The following RMDN2 variants were observed in gnomAD, a reference collection of about 807,000 sequenced individuals.
The protein encoded by RMDN2 is regulator of microtubule dynamics 2.
RMDN2 carries 61 observed loss-of-function variants against 52.8 expected under a neutral mutation model. That is an observed-to-expected ratio of 1.16 (90% CI 0.94 to 1.43). The LOEUF (loss-of-function observed/expected upper bound fraction) is 1.43, where lower values mean the gene tolerates loss of function less well. Ranked by LOEUF, RMDN2 falls within the 40% of genes most tolerant of loss-of-function variation. RMDN2 has a pLI of 0.00. For missense variants in RMDN2, 592 were observed against 475.3 expected (o/e 1.25, Z -2.28); for synonymous variants, 180 against 153.1 (o/e 1.18, Z -1.30).
At chr2:38,056,400 T>C (rs1681857012) in intron 10 of RMDN2, among the ~76,000 whole-genome samples, 3 of 152,190 alleles carry the variant, frequency 2.0e-5, no homozygotes, top group African/African-American at 7.2e-5. Flanking sequence ...TCACACTGTG[T>C]TGGGGCATGC....
intron 2 of RMDN2, among the ~76,000 whole-genome samples, chr2:37,947,349 C>T (rs999487390): frequency 6.6e-6 from 1 of 152,048 alleles, no homozygotes; most frequent in Non-Finnish European, 1.5e-5. Flanking sequence ...AAACTTCTTT[C>T]TCTCAAAATA....
chr2:38,024,604 T>A (rs1345208977), intron 10 of RMDN2, among the ~76,000 whole-genome samples: 1 of 152,182 alleles, frequency 6.6e-6, no homozygotes, highest in Non-Finnish European at 1.5e-5. Context: ...ATTCAAATAT[T>A]TTGCCCATTA....
chr2:38,048,887 A>T (rs551024560), intron 10 of RMDN2, among the ~76,000 whole-genome samples: 1 of 152,348 alleles, frequency 6.6e-6, no homozygotes, highest in African/African-American at 2.4e-5. Flanking sequence ...TGCACAAAAG[A>T]TTTTAAATAT....
At position 37,975,753 on chromosome 2, in the gene RMDN2, A is replaced by T. The variant is rs192930759; in HGVS notation, c.730+439A>T. ...AGTGAATGTTAACTAAAGCTAAATT[A>T]TCTTAGCTAAAACCAGTATGTTTAA... is the stretch of plus-strand genomic sequence containing the variant. On this transcript the variant is annotated intron_variant, in intron 4 of 10. Coordinates refer to ENST00000354545, the MANE Select transcript of RMDN2 (RefSeq NM_001170791.3). Among the ~76,000 whole-genome samples, 3 of 152,314 alleles carry T rather than the reference A, an allele frequency of 2.0e-5. No individual in the cohort carries two copies. In the East Asian group the frequency reaches 5.8e-4, roughly 29 times the overall value.
chr2:37,933,617 C>A (rs1033227684), intron 2 of RMDN2, among the ~76,000 whole-genome samples: 2 of 152,240 alleles, frequency 1.3e-5, no homozygotes, highest in Non-Finnish European at 2.9e-5. Flanking sequence ...CAAAAAAATA[C>A]GAAAACCAGT....
chr2:37,973,559 T>C (rs189698416), intron 2 of RMDN2, among the ~76,000 whole-genome samples: 1 of 152,208 alleles, frequency 6.6e-6, no homozygotes, highest in Admixed American at 6.5e-5. Context: ...TAATACATGC[T>C]ATGGGAAAAG....
chr2:37,968,428 G>A (rs557331970), intron 2 of RMDN2, among the ~76,000 whole-genome samples: 2 of 120,232 alleles, frequency 1.7e-5, no homozygotes, highest in African/African-American at 6.6e-5. Context: ...GACAGAGCGA[G>A]ACTCTGTCTC....
intron 2 of RMDN2, among the ~76,000 whole-genome samples, chr2:37,931,287 T>C (rs556913935): frequency 6.6e-6 from 1 of 152,352 alleles, no homozygotes; most frequent in South Asian, 2.1e-4. Flanking sequence ...TTATTTATTA[T>C]GGATGTAGAA....
At chr2:37,946,694 C>A (rs1361211247) in intron 2 of RMDN2, among the ~76,000 whole-genome samples, 2 of 152,226 alleles carry the variant, frequency 1.3e-5, no homozygotes, top group South Asian at 4.1e-4. Flanking sequence ...TATATACTAC[C>A]AGTCTTCACT....
chr2:38,003,592 A>G (rs1472331866), intron 8 of RMDN2, among the ~76,000 whole-genome samples: 1,637 of 151,544 alleles, frequency 0.011, 27 homozygotes, highest in Non-Finnish European at 0.017. Flanking sequence ...AGATAGATAG[A>G]TAGATAGATA....
At chr2:38,057,873 G>A (rs887357595) in intron 10 of RMDN2, among the ~76,000 whole-genome samples, 1 of 152,130 alleles carries the variant, frequency 6.6e-6, no homozygotes, top group African/African-American at 2.4e-5. Flanking sequence ...GTTTCCTGAG[G>A]CCTCCCCAGA....
chr2:37,963,857 G>A (rs1458787108), intron 2 of RMDN2, among the ~76,000 whole-genome samples: 13 of 151,914 alleles, frequency 8.6e-5, no homozygotes, highest in African/African-American at 2.7e-4. Flanking sequence ...GGTGGCGGCC[G>A]GGCAGAGGGG....
chr2:38,029,072 T>C (rs910403652), intron 10 of RMDN2, among the ~76,000 whole-genome samples: 1 of 152,028 alleles, frequency 6.6e-6, no homozygotes, highest in Non-Finnish European at 1.5e-5. Context: ...CTAACAGCAA[T>C]ATTTTCCCAC....
chr2:37,929,781 CTAT>C (rs1229949507), intron 2 of RMDN2, 52 bp downstream of exon 2: 1 of 1,230,518 alleles, frequency 8.1e-7, no homozygotes, highest in East Asian at 2.6e-5. Flanking sequence ...ATCATTATTA[CTAT>C]TATTTAGGTA....
intron 10 of RMDN2, among the ~76,000 whole-genome samples, chr2:38,054,483 T>C (rs995512600): frequency 3.9e-5 from 6 of 152,244 alleles, no homozygotes; most frequent in Non-Finnish European, 5.9e-5. Context: ...TCATAGGTGA[T>C]GCATTATGGA....
At chr2:38,045,352 C>G (rs1681207705) in intron 10 of RMDN2, among the ~76,000 whole-genome samples, 1 of 152,212 alleles carries the variant, frequency 6.6e-6, no homozygotes, top group Non-Finnish European at 1.5e-5. Context: ...CTCTTACACT[C>G]TTAGCACAGG....
At chr2:38,056,749 A>T (rs1047771126) in intron 10 of RMDN2, among the ~76,000 whole-genome samples, 6 of 152,344 alleles carry the variant, frequency 3.9e-5, no homozygotes, top group Non-Finnish European at 7.3e-5. Context: ...AATGATATAA[A>T]ATGATGGAGA....
At chr2:37,978,473 C>T (rs1472957931) in intron 4 of RMDN2, among the ~76,000 whole-genome samples, 2 of 152,104 alleles carry the variant, frequency 1.3e-5, no homozygotes, top group African/African-American at 2.4e-5. Flanking sequence ...GTAGGGGAGG[C>T]AGCACTAGTC....
At chr2:37,979,469 C>G (rs1673015601) in intron 4 of RMDN2, among the ~76,000 whole-genome samples, 1 of 152,142 alleles carries the variant, frequency 6.6e-6, no homozygotes, top group South Asian at 2.1e-4. Flanking sequence ...AAGATTTCTT[C>G]TCATAATAGC....
Sources: allele counts gnomAD v4.1 joint callset (sites outside exome capture counted in the v4.1 genomes callset), GRCh38; gene constraint gnomAD v4.1.1; transcripts MANE v1.5; gene names NCBI Gene and HGNC (gene_info 2026-07-23, HGNC 2026-07-21).